Variants in SYNE2 observed in about 807,000 individuals in gnomAD.
SYNE2 encodes the protein spectrin repeat containing nuclear envelope protein 2, also known as nesprin-2.
SYNE2 carries 431 observed loss-of-function variants against 856.3 expected under a neutral mutation model. The observed-to-expected ratio is 0.50, with a 90% CI of 0.47 to 0.55. The LOEUF is 0.55. Ranked by LOEUF, SYNE2 falls within the 20% of genes least tolerant of loss-of-function variation. SYNE2 has a pLI of 0.00. For synonymous variants in SYNE2, 2,923 were observed against 2,872.3 expected (o/e 1.02, Z -0.56); for missense variants, 8,129 against 8,023.2 (o/e 1.01, Z -0.50).
intron 14 of SYNE2, among the ~76,000 whole-genome samples, chr14:63,980,246 G>T (rs1022197802): frequency 6.6e-6 from 1 of 152,046 alleles, no homozygotes; most frequent in Admixed American, 6.5e-5. Flanking sequence ...ATATCTTTTT[G>T]TAACGTACGC....
At chr14:63,970,651 C>CTTTTTTTTTTTTTTTTTTTTTTTTT (rs61126600) in intron 11 of SYNE2, among the ~76,000 whole-genome samples, 22 of 98,878 alleles carry the variant, frequency 2.2e-4, no homozygotes, top group Middle Eastern at 6.0e-3. Context: ...TTTCTTTTTT[C>CTTTTTTTTTTTTTTTTTTTTTTTTT]TTTTTTTTTT....
At chr14:64,053,773 G>A in intron 48 of SYNE2, 116 bp downstream of exon 48, 1 of 960,720 alleles carries the variant, frequency 1.0e-6, no homozygotes, top group Non-Finnish European at 1.5e-6. Flanking sequence ...AGACCAGCCT[G>A]GCCAACATGG....
intron 95 of SYNE2, among the ~76,000 whole-genome samples, chr14:64,175,508 A>G (rs1314071722): frequency 2.0e-5 from 3 of 152,216 alleles, no homozygotes; most frequent in East Asian, 1.9e-4. Context: ...CAAATAATGT[A>G]TGATTATACC....
At chr14:63,891,262 G>T (rs2095124435) in intron 1 of SYNE2, among the ~76,000 whole-genome samples, 1 of 152,194 alleles carries the variant, frequency 6.6e-6, no homozygotes, top group Admixed American at 6.5e-5. Flanking sequence ...ACGTAGGCAT[G>T]AAAGTTCACA....
intron 6 of SYNE2, among the ~76,000 whole-genome samples, chr14:63,947,857 C>G (rs1595813147): frequency 6.6e-6 from 1 of 152,054 alleles, no homozygotes; most frequent in African/African-American, 2.4e-5. Context: ...GAAAGAAAAG[C>G]TCACCATGTT....
chr14:63,886,066 C>T (rs952854410), intron 1 of SYNE2, among the ~76,000 whole-genome samples: 2 of 152,160 alleles, frequency 1.3e-5, no homozygotes, highest in East Asian at 3.8e-4. Context: ...AGCCCTACCC[C>T]ACCTGTGTTG....
Position 64,052,977 on chromosome 14 carries a change from A to C in SYNE2, c.9064A>C (p.Thr3022Pro). 1 of 1,610,178 alleles carries C rather than the reference A, an allele frequency of 6.2e-7. No homozygotes were observed. The highest frequency in any genetic ancestry group is 2.2e-5 in the East Asian group (1 of 44,860). Reference protein sequence around the residue: ...WDFSQLDQLQTQVFEKEKELE... With the variant: ...WDFSQLDQLQPQVFEKEKELE... ...TTTTTCACAACTTGACCAATTACAA[A>C]CCCAAGTATTTGAAAAAGAAAAGGA... is the stretch of plus-strand genomic sequence containing the variant. Residue 3022 changes from threonine (T) to proline (P), a missense_variant, in exon 48 of 116, where the codon ACC becomes CCC. Thr to Pro is a conservative substitution (Grantham distance 38). Coordinates refer to ENST00000555002, the MANE Select transcript of SYNE2 (RefSeq NM_182914.3).
chr14:64,188,391 G>T (rs2098502159), intron 97 of SYNE2, among the ~76,000 whole-genome samples, 159 bp from the exon 98 acceptor site: 1 of 152,146 alleles, frequency 6.6e-6, no homozygotes, highest in Non-Finnish European at 1.5e-5. Flanking sequence ...AGGAACTTCT[G>T]TTGATGCTAA....
At chr14:64,060,901 T>G (rs1466088863) in intron 49 of SYNE2, among the ~76,000 whole-genome samples, 1 of 152,214 alleles carries the variant, frequency 6.6e-6, no homozygotes, top group East Asian at 1.9e-4. Flanking sequence ...TTGTCCTATG[T>G]TGGCAGCACT....
chr14:64,140,760 G>GT (rs34855468), intron 80 of SYNE2, among the ~76,000 whole-genome samples: 1 of 152,004 alleles, frequency 6.6e-6, no homozygotes. Context: ...GTTTTGAGGT[G>GT]TTTTTTGGAA....
rs746661117 is a variant in SYNE2 at position 63,997,417 on chromosome 14, A to G, written c.3243+26A>G. ...GTGTTAAATGTGGATAATGTATTTT[A>G]GAAGTAAACCCAAAGTAAAAGACCA... On this transcript the variant is annotated intron_variant, in intron 25 of 115. Coordinates refer to ENST00000555002, the MANE Select transcript of SYNE2 (RefSeq NM_182914.3). The G allele has an allele frequency of 3.2e-6, 5 of 1,569,130 alleles. No individual in the cohort carries two copies. In the East Asian group the frequency reaches 9.0e-5, roughly 28 times the overall value.
rs184480964 is a variant in SYNE2, at chr14:64,055,569, A to C, written c.9745-375A>C. On this transcript the variant is annotated intron_variant, in intron 48 of 115. Transcript: ENST00000555002. ...TTTTTAGTAGAGATGGGGTTTCACC[A>C]TACTGGCCAGGCTGGTCTTGAACTC... Among the ~76,000 whole-genome samples the C allele has an allele frequency of 1.8e-3, 273 of 152,010 alleles. 2 individuals carry two copies. The highest frequency in any genetic ancestry group is 0.01 in the Middle Eastern group (3 of 292).
chr14:64,047,332 G>A (rs2097193448), intron 45 of SYNE2, among the ~76,000 whole-genome samples: 1 of 152,148 alleles, frequency 6.6e-6, no homozygotes, highest in Non-Finnish European at 1.5e-5. Context: ...TTAAAGCGAA[G>A]ACACCACTCA....
intron 32 of SYNE2, among the ~76,000 whole-genome samples, chr14:64,010,937 C>G (rs1269643741): frequency 2.0e-5 from 3 of 152,138 alleles, no homozygotes; most frequent in Non-Finnish European, 2.9e-5. Flanking sequence ...CCACGCCTGG[C>G]CTTTTTCTAT....
chr14:64,032,554 C>T (rs2097048495), intron 45 of SYNE2, among the ~76,000 whole-genome samples: 1 of 94,424 alleles, frequency 1.1e-5, no homozygotes, highest in African/African-American at 4.1e-5. Context: ...AGAGTGAGAC[C>T]CTATCTCTAA....
At chr14:64,098,864 T>A (rs9323444) in intron 63 of SYNE2, 43 bp downstream of exon 63, 22 of 1,584,790 alleles carry the variant, frequency 1.4e-5, no homozygotes, top group Non-Finnish European at 1.9e-5. Flanking sequence ...TAGAACCAGA[T>A]CTCTAAAAGA....
chr14:64,012,148 C>G (rs1260971446), intron 32 of SYNE2, among the ~76,000 whole-genome samples: 1 of 152,106 alleles, frequency 6.6e-6, no homozygotes, highest in Non-Finnish European at 1.5e-5. Flanking sequence ...GAAGTCATTT[C>G]TAGCCTTTTG....
chr14:64,112,959 A>T, intron 65 of SYNE2: 1 of 971,392 alleles, frequency 1.0e-6, no homozygotes, highest in Non-Finnish European at 1.2e-6. Flanking sequence ...GTGTGCAGCA[A>T]TGTAAGCATT....
At position 63,786,247 on chromosome 14, in the gene SYNE2, C is replaced by CAA. The variant is rs61324324; in HGVS notation, c.-305+24272_-305+24273dup. ...TCTGGGCAACACAGCAAGACTGTCT[C>CAA]AAAAAAAAAAAATAGCTGGGCATGG... On this transcript the variant is annotated intron_variant, in intron 1 of 23. Transcript: ENST00000674003. Among the ~76,000 whole-genome samples, 306 of 142,042 alleles carry CAA rather than the reference C, an allele frequency of 2.2e-3. 1 individual carries two copies. Among genetic ancestry groups the CAA allele is most frequent in the South Asian group, 0.01 (46 of 4,492 alleles). 93.2% of individuals were successfully genotyped at this position (142,042 alleles called of 152,430 possible).
Sources: gnomAD v4.1 joint callset for allele counts (sites outside exome capture counted in the v4.1 genomes callset) on GRCh38, gnomAD v4.1.1 for gene constraint, MANE v1.5 for transcripts, NCBI Gene and HGNC (gene_info 2026-07-23, HGNC 2026-07-21) for gene names.